Variants in MDM4 observed in about 807,000 individuals in gnomAD.
The protein encoded by MDM4 is protein Mdm4.
In MDM4, 2 loss-of-function variants were observed where a neutral mutation model predicts 60.2. The observed-to-expected ratio is 0.03, with a 90% confidence interval of 0.01 to 0.10. The LOEUF (loss-of-function observed/expected upper bound fraction) is 0.10, where lower values mean the gene tolerates loss of function less well. MDM4 is among the 10% of genes least tolerant of loss of function. The pLI is 1.00. For missense variants in MDM4, 447 were observed against 577.5 expected, an observed-to-expected ratio of 0.77 and a Z score of 2.32; for synonymous variants, 202 against 198.1, an observed-to-expected ratio of 1.02 and a Z score of -0.17.
At chr1:204,547,819 C>G (rs4252734) in intron 10 of MDM4, among the ~76,000 whole-genome samples, 87,713 of 152,154 alleles carry the variant, frequency 0.58, 27,912 homozygotes, top group Non-Finnish European at 0.7. Flanking sequence ...CGCCTCCCGG[C>G]TTCGAGCGAT....
intron 8 of MDM4, among the ~76,000 whole-genome samples, chr1:204,543,701 G>A (rs1662362999): frequency 6.6e-6 from 1 of 152,178 alleles, no homozygotes; most frequent in Non-Finnish European, 1.5e-5. Flanking sequence ...GTAGCTATAG[G>A]TGGTGGCCCT....
intron 8 of MDM4, 121 bp from the exon 9 acceptor site, chr1:204,544,414 A>T: frequency 1.1e-6 from 1 of 926,620 alleles, no homozygotes. Flanking sequence ...CACTGAATAA[A>T]GGCAAGATGT....
intron 10 of MDM4, among the ~76,000 whole-genome samples, chr1:204,547,802 C>T (rs1303928043): frequency 6.6e-6 from 1 of 152,248 alleles, no homozygotes; most frequent in African/African-American, 2.4e-5. Context: ...CGGCTCACTG[C>T]AACTTCCGCC....
intron 1 of MDM4, among the ~76,000 whole-genome samples, chr1:204,518,867 T>C (rs1035110374): frequency 7.9e-5 from 12 of 152,340 alleles, no homozygotes; most frequent in Non-Finnish European, 1.6e-4. Flanking sequence ...GTTTTCATTA[T>C]GTTGGCCAGG....
intron 2 of MDM4, among the ~76,000 whole-genome samples, chr1:204,526,109 A>T (rs565548763): frequency 3.9e-5 from 6 of 152,184 alleles, no homozygotes; most frequent in African/African-American, 1.4e-4. Flanking sequence ...TACAAAAATT[A>T]CCTGGATATG....
chr1:204,528,492 C>T (rs1175799555), intron 3 of MDM4, among the ~76,000 whole-genome samples: 1 of 152,164 alleles, frequency 6.6e-6, no homozygotes, highest in Non-Finnish European at 1.5e-5. Context: ...TGAACACTCG[C>T]CACTGGCATC....
chr1:204,529,015 T>C, intron 3 of MDM4: 2 of 1,518,994 alleles, frequency 1.3e-6, no homozygotes, highest in South Asian at 2.3e-5. Context: ...GGGCAGTAGC[T>C]GGAGACCAGT....
At chr1:204,528,836 T>C (rs912693187) in intron 3 of MDM4, 2 of 1,511,116 alleles carry the variant, frequency 1.3e-6, no homozygotes, top group Middle Eastern at 2.3e-4. Flanking sequence ...TCTCCACAGA[T>C]GGGTTGGGTC....
intron 3 of MDM4, chr1:204,529,205 T>C: frequency 2.7e-6 from 2 of 748,302 alleles, no homozygotes; most frequent in Non-Finnish European, 4.8e-6. Context: ...GATTAGGTCT[T>C]GTCAAACATG....
At chr1:204,529,584 C>T (rs918526939) in intron 3 of MDM4, 7 of 1,385,250 alleles carry the variant, frequency 5.1e-6, no homozygotes, top group African/African-American at 4.4e-5. Flanking sequence ...TAGCACGCTG[C>T]CATACTGCCC....
intron 3 of MDM4, among the ~76,000 whole-genome samples, chr1:204,530,305 G>A (rs983503506): frequency 1.3e-5 from 2 of 152,284 alleles, no homozygotes; most frequent in African/African-American, 4.8e-5. Flanking sequence ...GCCTAAAGTC[G>A]TTTATGTGCC....
At chr1:204,541,594 T>C (rs1662089362) in intron 7 of MDM4, among the ~76,000 whole-genome samples, 1 of 152,208 alleles carries the variant, frequency 6.6e-6, no homozygotes, top group African/African-American at 2.4e-5. Context: ...GGAAGACCTA[T>C]AGGTAGAAGG....
intron 7 of MDM4, among the ~76,000 whole-genome samples, chr1:204,539,200 G>A (rs1429422577): frequency 6.6e-6 from 1 of 151,994 alleles, no homozygotes; most frequent in Non-Finnish European, 1.5e-5. Flanking sequence ...TGGCCAGGCT[G>A]GTCTCGAACT....
Position 204,537,512 on chromosome 1 carries a change from C to T in MDM4, c.411+15C>T, listed in dbSNP as rs774302091. On this transcript the variant is annotated intron_variant, in intron 6 of 10. Transcript: ENST00000367182. Reference sequence around the variant, plus strand: ...ACCAACTGAAGGTAAAATCACCACACGGTGACTTCTTTTGTTGTACAGAGT... The same window carrying T: ...ACCAACTGAAGGTAAAATCACCACATGGTGACTTCTTTTGTTGTACAGAGT... 7.6e-6 allele frequency: 12 copies of T among 1,586,402 alleles called. No individual in the cohort carries two copies. The highest frequency in any genetic ancestry group is 6.7e-5 in the Admixed American group (4 of 59,952).
intron 9 of MDM4, among the ~76,000 whole-genome samples, chr1:204,546,008 C>T (rs987846856): frequency 2.0e-5 from 3 of 152,044 alleles, no homozygotes; most frequent in East Asian, 3.9e-4. Context: ...ACTTTTGAAA[C>T]GGACTTTTTT....
At chr1:204,530,397 A>C (rs938148291) in intron 3 of MDM4, among the ~76,000 whole-genome samples, 3 of 152,180 alleles carry the variant, frequency 2.0e-5, no homozygotes, top group African/African-American at 7.2e-5. Context: ...CGTCTGAGAA[A>C]ATTTTTAAGA....
chr1:204,522,337 C>CA (rs1020261456), intron 1 of MDM4, among the ~76,000 whole-genome samples: 37 of 150,870 alleles, frequency 2.5e-4, no homozygotes, highest in Admixed American at 6.6e-4. Flanking sequence ...CACACACACA[C>CA]AAAAAAAGCA....
At chr1:204,526,652 A>G (rs1379203042) in intron 3 of MDM4, among the ~76,000 whole-genome samples, 2 of 151,868 alleles carry the variant, frequency 1.3e-5, no homozygotes, top group Admixed American at 6.6e-5. Context: ...TTTAGTAGAG[A>G]TGGGGTTTCA....
At position 204,544,576 on chromosome 1, in the gene MDM4, G is replaced by T. The variant is rs762660837; in HGVS notation, c.714G>T (p.Leu238Phe). 8.1e-6 allele frequency: 13 copies of T among 1,613,562 alleles called. No homozygotes were observed. The South Asian group carries it at 1.4e-4, about 18-fold the overall frequency. The stretch of plus-strand genomic sequence containing the variant: ...TTGTTTCAGATACTACAGATGACTT[G>T]TGGTTTTTGAATGAGTCAGTATCAG... ...TAIVSDTTDD[L>F]WFLNESVSEQ... Residue 238 changes from leucine (L) to phenylalanine (F), a missense_variant, in exon 9 of 11, where the codon TTG becomes TTT. This residue lies in a region of MDM4 where 184 missense variants were observed against 179.3 expected (regional missense o/e 1.03). Transcript: ENST00000367182.
Sources: allele counts gnomAD v4.1 joint callset (sites outside exome capture counted in the v4.1 genomes callset), GRCh38; gene constraint gnomAD v4.1.1; regional missense constraint gnomAD v4.1.1; transcripts MANE v1.5; gene names NCBI Gene and HGNC (gene_info 2026-07-23, HGNC 2026-07-21).